ATG13: variants seen among roughly 807,000 people sequenced by gnomAD.
ATG13 encodes autophagy-related protein 13.
ATG13 carries 23 observed loss-of-function variants against 65.5 expected under a neutral mutation model. The ratio of observed to expected loss-of-function variants is 0.35; its 90% CI spans 0.25 to 0.50. ATG13 has a LOEUF of 0.50. Ranked by LOEUF, ATG13 falls within the 20% of genes least tolerant of loss-of-function variation. The pLI is 0.98. For missense variants in ATG13, 566 were observed against 677.0 expected (o/e 0.84, Z 1.82); for synonymous variants, 252 against 245.2 (o/e 1.03, Z -0.26).
intron 1 of ATG13, among the ~76,000 whole-genome samples, chr11:46,629,314 C>T (rs1001762865): frequency 6.6e-6 from 1 of 152,200 alleles, no homozygotes; most frequent in South Asian, 2.1e-4. Context: ...TGCAGTCACA[C>T]TCATAGTGTG....
chr11:46,626,545 C>T (rs541508211), intron 1 of ATG13, among the ~76,000 whole-genome samples: 3 of 152,296 alleles, frequency 2.0e-5, no homozygotes, highest in Non-Finnish European at 2.9e-5. Flanking sequence ...CCACTGCGCC[C>T]GGCCTGGGTA....
chr11:46,630,933 A>G (rs1398455062), intron 2 of ATG13: 1 of 152,044 alleles, frequency 6.6e-6, no homozygotes, highest in Non-Finnish European at 1.5e-5. Flanking sequence ...GCTGGTCTCA[A>G]ACTCCTGGGC....
At chr11:46,638,535 C>T (rs2054775613) in intron 2 of ATG13, 1 of 152,112 alleles carries the variant, frequency 6.6e-6, no homozygotes, top group Admixed American at 6.6e-5. Context: ...GAACTTATTC[C>T]TCCTATCTAA....
chr11:46,665,797 C>CTTTT (rs1159523560), intron 14 of ATG13, among the ~76,000 whole-genome samples: 285 of 87,748 alleles, frequency 3.2e-3, no homozygotes, highest in Middle Eastern at 0.013. Context: ...TTTATTTTTC[C>CTTTT]TTTTTTTTTT....
intron 11 of ATG13, 59 bp from the exon 12 acceptor site, chr11:46,663,938 C>T (rs1223660968): frequency 5.0e-6 from 6 of 1,197,746 alleles, no homozygotes; most frequent in South Asian, 1.4e-5. Context: ...TTTCTCAAGT[C>T]CCTTTTCTTT....
chr11:46,646,193 G>A (rs769979475), intron 5 of ATG13, among the ~76,000 whole-genome samples: 3 of 152,238 alleles, frequency 2.0e-5, no homozygotes, highest in South Asian at 2.1e-4. Context: ...CTGTCGCCCA[G>A]GCTGGAGTGC....
chr11:46,663,966 T>TTTTTC, intron 11 of ATG13, 31 bp from the exon 12 acceptor site: 1 of 1,289,950 alleles, frequency 7.8e-7, no homozygotes, highest in South Asian at 1.4e-5. Flanking sequence ...TTTTTTTTGT[T>TTTTTC]TCTCCTGTCT....
intron 11 of ATG13, among the ~76,000 whole-genome samples, chr11:46,663,380 CT>C (rs2136974758): frequency 6.6e-6 from 1 of 151,952 alleles, no homozygotes; most frequent in Admixed American, 6.6e-5. Flanking sequence ...ATGCCCCCAG[CT>C]TTTTACTTCA....
intron 7 of ATG13, among the ~76,000 whole-genome samples, chr11:46,652,339 T>C (rs143535104): frequency 8.6e-4 from 131 of 152,272 alleles, no homozygotes; most frequent in African/African-American, 3.1e-3. Flanking sequence ...GATCTAGAGA[T>C]GTGGGTGATC....
chr11:46,621,524 AT>A (rs1256062110), intron 1 of ATG13, among the ~76,000 whole-genome samples: 1 of 152,070 alleles, frequency 6.6e-6, no homozygotes, highest in Non-Finnish European at 1.5e-5. Context: ...TTCTACACTA[AT>A]TTTTAGGTTA....
At chr11:46,639,805 A>G (rs2055286553) in intron 2 of ATG13, among the ~76,000 whole-genome samples, 1 of 150,992 alleles carries the variant, frequency 6.6e-6, no homozygotes, top group Non-Finnish European at 1.5e-5. Flanking sequence ...GGGCCTTTAA[A>G]CTGTTTGGTG....
At position 46,659,368 on chromosome 11, in the gene ATG13, ATTAT is replaced by A. The variant is rs765165016; in HGVS notation, c.696-21_696-18del. The A allele has an allele frequency of 1.3e-6, 2 of 1,578,190 alleles. No homozygotes were observed. Among genetic ancestry groups the A allele is most frequent in the East Asian group, 4.5e-5 (2 of 44,688 alleles). On this transcript the variant is annotated intron_variant, in intron 10 of 18. Transcript: ENST00000683050. ...ATTGACTGCCACCACCATAAAATTC[ATTAT>A]TTCTTTCTTTTCACTTTAGAACTGC...
At chr11:46,651,710 T>G (rs1043010553) in intron 7 of ATG13, among the ~76,000 whole-genome samples, 1 of 152,172 alleles carries the variant, frequency 6.6e-6, no homozygotes, top group Non-Finnish European at 1.5e-5. Flanking sequence ...TAGTTGTCAT[T>G]TCCTTTAACT....
At chr11:46,647,731 A>G (rs1208696438) in intron 5 of ATG13, among the ~76,000 whole-genome samples, 1 of 149,822 alleles carries the variant, frequency 6.7e-6, no homozygotes, top group East Asian at 2.0e-4. Context: ...ACCACCACAC[A>G]TGGCTAATGT....
Position 46,664,109 on chromosome 11 carries a change from G to A in ATG13, c.888+14G>A, listed in dbSNP as rs2061769834. 1.3e-5 allele frequency: 19 copies of A among 1,517,798 alleles called. No homozygotes were observed. The highest frequency in any genetic ancestry group is 1.6e-5 in the Non-Finnish European group (18 of 1,118,104). The allele number at this position is 1,517,798 out of a possible 1,614,324, so 94.0% of individuals were successfully genotyped here. ...TTTTCCCATCAAGTGAGTCCATAAT[G>A]GGAAGAAGGGGATATAATCAGATGG... is the stretch of plus-strand genomic sequence containing the variant. On this transcript the variant is annotated intron_variant, in intron 12 of 18. Transcript: ENST00000683050.
chr11:46,656,300 G>A (rs774604861), intron 8 of ATG13, 27 bp downstream of exon 8: 15 of 1,597,342 alleles, frequency 9.4e-6, no homozygotes, highest in African/African-American at 1.3e-5. Flanking sequence ...GAAAAACATC[G>A]TAGTGTTCAG....
chr11:46,618,418 C>T (rs894609520), intron 1 of ATG13: 1 of 152,246 alleles, frequency 6.6e-6, no homozygotes, highest in African/African-American at 2.4e-5. Context: ...CTAATTCTTC[C>T]CAGTTTTCAC....
chr11:46,653,249 T>C (rs1250636849), intron 7 of ATG13, among the ~76,000 whole-genome samples: 4 of 151,038 alleles, frequency 2.6e-5, no homozygotes, highest in African/African-American at 7.3e-5. Flanking sequence ...TTTGGCTCAC[T>C]GCAACCTCCA....
chr11:46,630,298 G>T (rs924234078), intron 2 of ATG13, among the ~76,000 whole-genome samples, 198 bp downstream of exon 2: 3 of 152,170 alleles, frequency 2.0e-5, no homozygotes, highest in African/African-American at 7.2e-5. Context: ...GGAGTGAAAT[G>T]AAGTTGGAAC....
Sources: allele counts gnomAD v4.1 joint callset (sites outside exome capture counted in the v4.1 genomes callset), GRCh38; gene constraint gnomAD v4.1.1; transcripts MANE v1.5; gene names NCBI Gene and HGNC (gene_info 2026-07-23, HGNC 2026-07-21).